The following TNPO3 variants were observed in gnomAD, a reference collection of about 807,000 sequenced individuals.
TNPO3 encodes the protein transportin 3.
A neutral mutation model predicts 122.8 loss-of-function variants in TNPO3; 65 were observed. That is an observed-to-expected ratio of 0.53 (90% CI 0.43 to 0.65). The LOEUF (loss-of-function observed/expected upper bound fraction) is 0.65, where lower values mean the gene tolerates loss of function less well. Ranked by LOEUF, TNPO3 falls within the 30% of genes least tolerant of loss-of-function variation. TNPO3 has a pLI of 0.00. For missense variants in TNPO3, 850 were observed against 1,136.7 expected (o/e 0.75, Z 3.63); for synonymous variants, 372 against 411.2 (o/e 0.90, Z 1.15).
At chr7:129,011,591 C>G (rs113019585) in intron 4 of TNPO3, among the ~76,000 whole-genome samples, 1 of 152,138 alleles carries the variant, frequency 6.6e-6, no homozygotes, top group Non-Finnish European at 1.5e-5. Context: ...ATCTGCCAGC[C>G]TTGGCCTCCC....
At chr7:128,975,396 G>A (rs1053504484) in intron 17 of TNPO3, among the ~76,000 whole-genome samples, 4 of 152,194 alleles carry the variant, frequency 2.6e-5, no homozygotes, top group Non-Finnish European at 4.4e-5. Context: ...GGCTGGAAGG[G>A]AGGGAAAAGC....
intron 8 of TNPO3, among the ~76,000 whole-genome samples, chr7:128,995,865 AT>A (rs1365412789): frequency 1.4e-4 from 21 of 152,188 alleles, no homozygotes; most frequent in African/African-American, 5.1e-4. Context: ...TGCCCAGCTA[AT>A]TTTTGTATTT....
At chr7:129,042,888 A>G (rs1239814792) in intron 1 of TNPO3, among the ~76,000 whole-genome samples, 3 of 152,062 alleles carry the variant, frequency 2.0e-5, no homozygotes, top group Non-Finnish European at 4.4e-5. Flanking sequence ...AAAAATTGTA[A>G]AAGAAAAGTA....
intron 12 of TNPO3, among the ~76,000 whole-genome samples, chr7:128,985,869 A>G (rs938514909): frequency 2.0e-5 from 3 of 152,266 alleles, no homozygotes; most frequent in African/African-American, 7.2e-5. Flanking sequence ...CAAAGGACAG[A>G]ATTCACAAAT....
At chr7:129,052,910 G>A (rs1307402387) in intron 1 of TNPO3, among the ~76,000 whole-genome samples, 1 of 152,170 alleles carries the variant, frequency 6.6e-6, no homozygotes, top group East Asian at 1.9e-4. Context: ...ACTCTCCAGA[G>A]ATCACAGAAA....
chr7:129,033,657 C>T (rs1487397318), intron 1 of TNPO3, among the ~76,000 whole-genome samples: 5 of 152,170 alleles, frequency 3.3e-5, no homozygotes, highest in African/African-American at 1.2e-4. Flanking sequence ...CAGTGGCTCA[C>T]ACCTGTAATC....
intron 19 of TNPO3, among the ~76,000 whole-genome samples, chr7:128,972,137 C>G (rs372005150): frequency 2.0e-5 from 3 of 152,326 alleles, no homozygotes; most frequent in African/African-American, 7.2e-5. Context: ...ATGAAAAACA[C>G]CAAACACTGG....
chr7:128,972,331 A>T, intron 19 of TNPO3, 95 bp downstream of exon 19: 1 of 1,370,872 alleles, frequency 7.3e-7, no homozygotes, highest in Non-Finnish European at 1.0e-6. Flanking sequence ...TAGATCAAGT[A>T]AGGAAATACT....
At chr7:129,013,307 C>CTTCT (rs1205535502) in intron 4 of TNPO3, among the ~76,000 whole-genome samples, 1 of 151,990 alleles carries the variant, frequency 6.6e-6, no homozygotes, top group Non-Finnish European at 1.5e-5. Flanking sequence ...AGCTAAAAGG[C>CTTCT]TTCTGCACAG....
chr7:129,021,173 T>A (rs754806367), intron 1 of TNPO3, among the ~76,000 whole-genome samples: 29 of 152,122 alleles, frequency 1.9e-4, no homozygotes, highest in Non-Finnish European at 1.0e-4. Flanking sequence ...CGGGCCAATA[T>A]GGTGAAACCC....
intron 21 of TNPO3, among the ~76,000 whole-genome samples, chr7:128,960,253 T>C (rs1255937555): frequency 1.3e-5 from 2 of 152,130 alleles, no homozygotes; most frequent in Non-Finnish European, 2.9e-5. Flanking sequence ...CAATAATTGA[T>C]CATAAGCAAC....
intron 16 of TNPO3, among the ~76,000 whole-genome samples, chr7:128,976,561 C>T (rs953758228): frequency 1.3e-5 from 2 of 152,076 alleles, no homozygotes; most frequent in African/African-American, 4.8e-5. Context: ...GTGGCCTCAA[C>T]CTACCAGGCT....
intron 20 of TNPO3, among the ~76,000 whole-genome samples, chr7:128,967,902 A>G (rs1798078346): frequency 6.6e-6 from 1 of 152,048 alleles, no homozygotes; most frequent in Non-Finnish European, 1.5e-5. Flanking sequence ...GAAGTCCATC[A>G]ACATGCCTGG....
chr7:128,966,371 A>G (rs1797928430), intron 21 of TNPO3, among the ~76,000 whole-genome samples: 1 of 152,178 alleles, frequency 6.6e-6, no homozygotes, highest in African/African-American at 2.4e-5. Flanking sequence ...CTGTATGATT[A>G]TAAGTCATTG....
intron 20 of TNPO3, among the ~76,000 whole-genome samples, chr7:128,969,706 T>C (rs1235326652): frequency 1.3e-5 from 2 of 152,206 alleles, no homozygotes; most frequent in African/African-American, 2.4e-5. Flanking sequence ...AACTGTACAT[T>C]GTGGGTTACT....
intron 20 of TNPO3, among the ~76,000 whole-genome samples, chr7:128,969,324 T>G (rs902588620): frequency 6.6e-6 from 1 of 152,126 alleles, no homozygotes; most frequent in Non-Finnish European, 1.5e-5. Context: ...TGCTACTCTA[T>G]CAGGTTGAAA....
chr7:129,003,141 T>G (rs1162649810), intron 5 of TNPO3, among the ~76,000 whole-genome samples: 2 of 150,940 alleles, frequency 1.3e-5, no homozygotes, highest in African/African-American at 4.9e-5. Flanking sequence ...GAGAATCATT[T>G]GAACCCAGAG....
chr7:128,987,318 T>C (rs1174007769), intron 11 of TNPO3, among the ~76,000 whole-genome samples: 1 of 152,206 alleles, frequency 6.6e-6, no homozygotes, highest in Non-Finnish European at 1.5e-5. Flanking sequence ...TAAAACAGCC[T>C]ATATGAATCA....
intron 1 of TNPO3, among the ~76,000 whole-genome samples, chr7:129,048,146 C>T (rs987259980): frequency 1.5e-4 from 23 of 152,096 alleles, no homozygotes; most frequent in Admixed American, 1.4e-3. Context: ...CACCTGAACC[C>T]AGGCTCAGGT....
Sources: allele counts gnomAD v4.1 joint callset (sites outside exome capture counted in the v4.1 genomes callset), GRCh38; gene constraint gnomAD v4.1.1; transcripts MANE v1.5; gene names NCBI Gene and HGNC (gene_info 2026-07-23, HGNC 2026-07-21).